LALBA: variants seen among roughly 807,000 people sequenced by gnomAD.
LALBA encodes the protein lactalbumin alpha, also known as alpha-lactalbumin.
Under a neutral mutation model 13.4 loss-of-function variants are expected in LALBA, and 12 were observed. The observed-to-expected ratio is 0.89, with a 90% CI of 0.57 to 1.45. The LOEUF is 1.45. Among genes scored for constraint, LALBA ranks in the 40% most tolerant of loss-of-function variants. LALBA has a pLI of 0.00. For missense variants in LALBA, 145 were observed against 165.9 expected (o/e 0.87, Z 0.69); for synonymous variants, 64 against 61.0 (o/e 1.05, Z -0.23).
intron 1 of LALBA, 133 bp downstream of exon 1, chr12:48,569,752 TAAA>T (rs1475215638): frequency 2.6e-6 from 2 of 765,352 alleles, no homozygotes; most frequent in Non-Finnish European, 4.2e-6. Flanking sequence ...ATACATGAAA[TAAA>T]AGAGTATGCA....
At chr12:48,568,474 G>A in intron 3 of LALBA, 43 bp downstream of exon 3, 1 of 1,120,320 alleles carries the variant, frequency 8.9e-7, no homozygotes, top group South Asian at 1.2e-5. Flanking sequence ...AATGGGGTAA[G>A]GAGAAGGAGG....
At chr12:48,570,151 C>G (rs1226205729), upstream of LALBA, 1 of 986,450 alleles carries the variant, frequency 1.0e-6, no homozygotes, top group Non-Finnish European at 1.5e-6. Flanking sequence ...ACTGGTCATG[C>G]CAAGACAGAA....
intron 1 of LALBA, 131 bp downstream of exon 1, chr12:48,569,757 G>T: frequency 1.3e-6 from 1 of 781,502 alleles, no homozygotes; most frequent in Non-Finnish European, 2.0e-6. Context: ...TGAAATAAAA[G>T]AGTATGCAAA....
At chr12:48,569,298 G>A (rs1416008349) in intron 1 of LALBA, 58 bp from the exon 2 acceptor site, 1 of 1,422,554 alleles carries the variant, frequency 7.0e-7, no homozygotes, top group Non-Finnish European at 9.6e-7. Context: ...CATAAAGGAG[G>A]AACTGTAATT....
intron 3 of LALBA, 144 bp from the exon 4 acceptor site, chr12:48,568,161 G>T: frequency 5.9e-6 from 4 of 681,326 alleles, no homozygotes; most frequent in Non-Finnish European, 1.1e-5. Context: ...CCATCAAGTG[G>T]AATACAGTCC....
At chr12:48,571,788 G>A (rs1465123440), upstream of LALBA, among the ~76,000 whole-genome samples, 1 of 152,102 alleles carries the variant, frequency 6.6e-6, no homozygotes, top group Non-Finnish European at 1.5e-5. Context: ...CAGAGTCAGG[G>A]AAAAGTCCTC....
At chr12:48,571,058 C>T (rs1300227625), upstream of LALBA, among the ~76,000 whole-genome samples, 2 of 151,806 alleles carry the variant, frequency 1.3e-5, no homozygotes, top group African/African-American at 2.4e-5. Flanking sequence ...CCACTCCTAC[C>T]GTAAATAACC....
At chr12:48,570,308 T>C (rs931381932), upstream of LALBA, among the ~76,000 whole-genome samples, 1 of 152,194 alleles carries the variant, frequency 6.6e-6, no homozygotes, top group Admixed American at 6.5e-5. Flanking sequence ...TAGCCCTTTG[T>C]TTCTTGTAGG....
chr12:48,568,631 A>G, intron 2 of LALBA, 39 bp from the exon 3 acceptor site: 1 of 1,279,114 alleles, frequency 7.8e-7, no homozygotes, highest in Non-Finnish European at 1.1e-6. Context: ...GACAGCTGAC[A>G]AGTATTACCC....
chr12:48,571,445 C>T (rs544399412), upstream of LALBA, among the ~76,000 whole-genome samples: 6 of 124,130 alleles, frequency 4.8e-5, no homozygotes, highest in African/African-American at 1.6e-4. Flanking sequence ...AATGCAGTGG[C>T]GCGATCTTGG....
chr12:48,568,320 C>T, intron 3 of LALBA, 197 bp downstream of exon 3: 1 of 611,448 alleles, frequency 1.6e-6, no homozygotes. Flanking sequence ...TTAGGCAACC[C>T]CTTATTAGGA....
rs767762019 is a variant in LALBA at position 48,569,082 on chromosome 12, T to C, written c.292A>G (p.Lys98Glu). ...AAAGAGGGTTATAGGGGCTACTCACTGTCACAGGAGATGTCACAGATGTTC... is the reference window on the plus strand; with the variant it reads ...AAAGAGGGTTATAGGGGCTACTCACCGTCACAGGAGATGTCACAGATGTTC... ...SRNICDISCD[K>E]FLDDDITDDI... Residue 98 changes from lysine (K) to glutamate (E), a missense_variant and splice_region_variant, in exon 2 of 4, where the codon AAG (lysine) becomes GAG (glutamate). Lys to Glu is a moderately conservative substitution (Grantham distance 56). Transcript: ENST00000301046. The C allele has an allele frequency of 1.4e-5, 22 of 1,607,804 alleles. No individual in the cohort carries two copies. The highest frequency in any genetic ancestry group is 1.7e-4 in the Middle Eastern group (1 of 6,048).
At chr12:48,568,381 G>A in intron 3 of LALBA, 136 bp downstream of exon 3, 1 of 676,602 alleles carries the variant, frequency 1.5e-6, no homozygotes, top group Non-Finnish European at 2.6e-6. Context: ...AGAAACCTGA[G>A]TCTCTAGGTA....
chr12:48,570,012 G>A lies in LALBA; in HGVS notation c.9C>T (p.Phe3=), dbSNP rs561106041. ...TGCCCACCAGGAACAGAGGGACAAAGAACCTCATTTTGGCTACCCCCAAGA... is the reference window on the plus strand; with the variant it reads ...TGCCCACCAGGAACAGAGGGACAAAAAACCTCATTTTGGCTACCCCCAAGA... MR[F]FVPLFLVGIL... The change falls in exon 1 of 4, where the codon TTC becomes TTT. Residue 3 remains phenylalanine, a synonymous_variant. Coordinates refer to ENST00000301046, the MANE Select transcript of LALBA (RefSeq NM_002289.3). 6.2e-7 allele frequency: 1 copy of A among 1,613,992 alleles called. No individual in the cohort carries two copies. Among genetic ancestry groups the A allele is most frequent in the South Asian group, 1.1e-5 (1 of 91,070 alleles).
chr12:48,568,152 C>T, intron 3 of LALBA, 135 bp from the exon 4 acceptor site: 2 of 722,728 alleles, frequency 2.8e-6, no homozygotes, highest in Non-Finnish European at 4.9e-6. Context: ...CGACACAAGC[C>T]ATCAAGTGGA....
In LALBA at chr12:48,570,045, A is replaced by G. The variant is rs1437702549; in HGVS notation, c.-25T>C. The G allele has an allele frequency of 1.2e-6, 2 of 1,613,360 alleles. No homozygotes were observed. The highest frequency in any genetic ancestry group is 2.2e-5 in the South Asian group (2 of 91,056). On this transcript the variant is annotated 5_prime_UTR_variant, in exon 1 of 4. Coordinates refer to ENST00000301046, the MANE Select transcript of LALBA (RefSeq NM_002289.3). ...TTTTGGCTACCCCCAAGAACCTGAA[A>G]TGGAAGCATCACTCAGTTTCATTTA...
At chr12:48,568,100 T>G (rs1938589538) in intron 3 of LALBA, 83 bp from the exon 4 acceptor site, 6 of 1,051,894 alleles carry the variant, frequency 5.7e-6, no homozygotes, top group Non-Finnish European at 4.3e-6. Context: ...TGGAAGAGCG[T>G]GGACGAGAAT....
chr12:48,568,553 G>A lies in LALBA; in HGVS notation c.332C>T (p.Ala111Val). 6.3e-7 allele frequency: 1 copy of A among 1,599,994 alleles called. No homozygotes were observed. Among genetic ancestry groups the A allele is most frequent in the Non-Finnish European group, 8.6e-7 (1 of 1,169,396 alleles). ...DDDITDDIMC[A>V]KKILDIKGID... ...TCCTTTAATATCCAGGATCTTCTTG[G>A]CACACATTATGTCATCAGTAATGTC... The change falls in exon 3 of 4, where the codon GCC (alanine) becomes GTC (valine). Residue 111 changes from alanine to valine, a missense_variant. Ala to Val is a moderately conservative substitution (Grantham distance 64). Transcript: ENST00000301046.
intron 3 of LALBA, 181 bp downstream of exon 3, chr12:48,568,336 G>C (rs1053993111): frequency 6.5e-6 from 4 of 618,994 alleles, no homozygotes; most frequent in Non-Finnish European, 1.1e-5. Flanking sequence ...TAGGAAAATT[G>C]CTACCAAGGA....
Sources: allele counts gnomAD v4.1 joint callset (sites outside exome capture counted in the v4.1 genomes callset), GRCh38; gene constraint gnomAD v4.1.1; transcripts MANE v1.5; gene names NCBI Gene and HGNC (gene_info 2026-07-23, HGNC 2026-07-21).